Variants in RALYL observed in about 807,000 individuals in gnomAD.
RALYL encodes RALY RNA binding protein like, also known as RNA-binding Raly-like protein.
A neutral mutation model predicts 35.1 loss-of-function variants in RALYL; 29 were observed. The observed-to-expected ratio is 0.83, with a 90% CI of 0.61 to 1.13. RALYL has a LOEUF of 1.13. Among genes scored for constraint, RALYL ranks in the 50% most tolerant of loss-of-function variants. RALYL has a pLI of 0.00. For missense variants in RALYL, 359 were observed against 360.4 expected (o/e 1.00, Z 0.03); for synonymous variants, 120 against 127.6 (o/e 0.94, Z 0.40).
Position 84,223,744 on chromosome 8 carries a change from A to G in RALYL, c.-24+39320A>G, listed in dbSNP as rs574887212. On this transcript the variant is annotated intron_variant, in intron 1 of 8. Coordinates refer to ENST00000521268, the MANE Select transcript of RALYL (RefSeq NM_173848.7). ...GATGCTGCAACATCTTGTCCTGTAC[A>G]ACTTTTTAAGTTTTGTGGGAAGTGG... Among the ~76,000 whole-genome samples the G allele has an allele frequency of 2.9e-4, 44 of 152,330 alleles. No homozygotes were observed. The South Asian group carries it at 8.5e-3, about 29-fold the overall frequency.
intron 2 of RALYL, among the ~76,000 whole-genome samples, chr8:84,627,246 G>C (rs1465548783): frequency 6.6e-6 from 1 of 151,530 alleles, no homozygotes; most frequent in African/African-American, 2.4e-5. Flanking sequence ...TTTTCTCGCA[G>C]GGTGATCAGT....
At chr8:84,763,694 T>A (rs770869884) in intron 2 of RALYL, among the ~76,000 whole-genome samples, 1 of 152,194 alleles carries the variant, frequency 6.6e-6, no homozygotes, top group Non-Finnish European at 1.5e-5. Flanking sequence ...AAGATGTTCA[T>A]GGAATATAGA....
chr8:84,829,837 T>A (rs1487275447), intron 4 of RALYL, among the ~76,000 whole-genome samples: 1 of 152,100 alleles, frequency 6.6e-6, no homozygotes, highest in East Asian at 1.9e-4. Context: ...ATACATAAAC[T>A]TGCTGTTTGT....
chr8:84,819,593 A>T (rs115943535), intron 4 of RALYL, among the ~76,000 whole-genome samples: 151 of 152,324 alleles, frequency 9.9e-4, no homozygotes, highest in Middle Eastern at 3.4e-3. Context: ...TAGAGTCATC[A>T]AAAAGAGTCT....
chr8:84,434,565 C>A (rs2047496206), intron 1 of RALYL, among the ~76,000 whole-genome samples: 3 of 152,112 alleles, frequency 2.0e-5, no homozygotes, highest in Admixed American at 2.0e-4. Flanking sequence ...GCCAGTTATA[C>A]CTTAGCCATA....
chr8:84,614,413 A>C (rs1038851590), intron 2 of RALYL, among the ~76,000 whole-genome samples: 1 of 151,746 alleles, frequency 6.6e-6, no homozygotes, highest in Non-Finnish European at 1.5e-5. Flanking sequence ...AGAAGGACAC[A>C]TAAGAGATGG....
intron 1 of RALYL, among the ~76,000 whole-genome samples, chr8:84,276,531 A>T (rs774131900): frequency 6.6e-6 from 1 of 152,174 alleles, no homozygotes; most frequent in Non-Finnish European, 1.5e-5. Context: ...AATTAATCAA[A>T]CTGAGAAGCA....
At chr8:84,423,541 C>T (rs1050554798) in intron 1 of RALYL, among the ~76,000 whole-genome samples, 30 of 151,864 alleles carry the variant, frequency 2.0e-4, no homozygotes, top group Admixed American at 1.9e-3. Flanking sequence ...AGAATTTAGT[C>T]CATTTATATT....
intron 2 of RALYL, among the ~76,000 whole-genome samples, chr8:84,591,263 C>T (rs1430054610): frequency 6.6e-6 from 1 of 152,068 alleles, no homozygotes; most frequent in African/African-American, 2.4e-5. Flanking sequence ...TGATTGAATA[C>T]CTGAGACATC....
At chr8:84,705,987 A>G in intron 2 of RALYL, 1 of 1,534,648 alleles carries the variant, frequency 6.5e-7, no homozygotes, top group Non-Finnish European at 8.7e-7. Context: ...TCCGTGGTCA[A>G]ATCAATTACT....
intron 4 of RALYL, among the ~76,000 whole-genome samples, chr8:84,830,609 C>T (rs1368091753): frequency 6.6e-6 from 1 of 152,020 alleles, no homozygotes; most frequent in Non-Finnish European, 1.5e-5. Flanking sequence ...ACAGTATGTT[C>T]CTCAGCTGTA....
chr8:84,730,855 G>T (rs552092150), intron 2 of RALYL, among the ~76,000 whole-genome samples: 2 of 152,226 alleles, frequency 1.3e-5, no homozygotes, highest in East Asian at 3.9e-4. Flanking sequence ...GCTGATACTT[G>T]ATGATGGGAA....
At chr8:84,786,019 C>T (rs2133788355) in intron 3 of RALYL, among the ~76,000 whole-genome samples, 2 of 152,278 alleles carry the variant, frequency 1.3e-5, no homozygotes, top group Middle Eastern at 3.4e-3. Context: ...GTGTTTTGTT[C>T]CCCACCTGTA....
intron 2 of RALYL, among the ~76,000 whole-genome samples, chr8:84,759,260 G>A (rs920151912): frequency 2.6e-5 from 4 of 152,114 alleles, no homozygotes; most frequent in African/African-American, 9.7e-5. Flanking sequence ...GAATTGGAAT[G>A]TTCACATCTT....
At position 84,699,844 on chromosome 8, in the gene RALYL, C is replaced by T. The variant is rs115173126; in HGVS notation, c.257-74735C>T. Among the ~76,000 whole-genome samples, 580 of 152,044 alleles carry T rather than the reference C, an allele frequency of 3.8e-3. 6 individuals carry two copies. Among genetic ancestry groups the T allele is most frequent in the African/African-American group, 0.013 (546 of 41,470 alleles). On this transcript the variant is annotated intron_variant, in intron 2 of 8. Transcript: ENST00000521268. ...CCTTTTTAGGTTCAGGATTATTTTACGTTATACCTTTAAGGTAAAATATAG... is the reference window on the plus strand; with the variant it reads ...CCTTTTTAGGTTCAGGATTATTTTATGTTATACCTTTAAGGTAAAATATAG...
At chr8:84,296,715 T>G (rs966924899) in intron 1 of RALYL, among the ~76,000 whole-genome samples, 1 of 150,570 alleles carries the variant, frequency 6.6e-6, no homozygotes, top group South Asian at 2.1e-4. Context: ...GGTTACTTGG[T>G]TTTGCACAAA....
intron 1 of RALYL, among the ~76,000 whole-genome samples, chr8:84,276,684 G>T (rs987711790): frequency 1.3e-5 from 2 of 152,144 alleles, no homozygotes; most frequent in African/African-American, 4.8e-5. Flanking sequence ...AATTTAAGAA[G>T]AATCCCTGAG....
intron 2 of RALYL, among the ~76,000 whole-genome samples, chr8:84,631,243 T>C (rs946558225): frequency 3.3e-5 from 5 of 151,998 alleles, no homozygotes; most frequent in Admixed American, 2.6e-4. Flanking sequence ...AAAAGAAATA[T>C]GGACTGTATG....
At chr8:84,450,390 G>C (rs1203055432) in intron 1 of RALYL, among the ~76,000 whole-genome samples, 1 of 151,768 alleles carries the variant, frequency 6.6e-6, no homozygotes, top group East Asian at 2.0e-4. Flanking sequence ...CTCTGAGAAG[G>C]ATAGGAAATA....
Sources: allele counts gnomAD v4.1 joint callset (sites outside exome capture counted in the v4.1 genomes callset), GRCh38; gene constraint gnomAD v4.1.1; transcripts MANE v1.5; gene names NCBI Gene and HGNC (gene_info 2026-07-23, HGNC 2026-07-21).